ANK1: variants seen among roughly 807,000 people sequenced by gnomAD.
The protein encoded by ANK1 is ankyrin 1.
ANK1 carries 51 observed loss-of-function variants against 210.4 expected under a neutral mutation model. That is an observed-to-expected ratio of 0.24 (90% CI 0.19 to 0.31). ANK1 has a LOEUF of 0.31. Ranked by LOEUF, ANK1 falls within the 10% of genes least tolerant of loss-of-function variation. ANK1 has a pLI of 1.00. For synonymous variants in ANK1, 967 were observed against 1,025.9 expected, an observed-to-expected ratio of 0.94 and a Z score of 1.10; for missense variants, 2,051 against 2,504.4, an observed-to-expected ratio of 0.82 and a Z score of 3.86.
At chr8:41,729,522 G>T (rs1392286480) in intron 3 of ANK1, among the ~76,000 whole-genome samples, 1 of 152,126 alleles carries the variant, frequency 6.6e-6, no homozygotes, top group Non-Finnish European at 1.5e-5. Context: ...TCCCAAGTAG[G>T]TGGGGACTAA....
chr8:41,698,371 CT>C (rs544497652), intron 23 of ANK1, among the ~76,000 whole-genome samples: 116 of 152,316 alleles, frequency 7.6e-4, no homozygotes, highest in Middle Eastern at 3.4e-3. Context: ...ATATATCTTT[CT>C]GTGTTGCTAC....
At chr8:41,716,854 C>T (rs372295664) in intron 13 of ANK1, 99 bp downstream of exon 13, 10 of 1,226,420 alleles carry the variant, frequency 8.2e-6, no homozygotes, top group Admixed American at 1.7e-5. Context: ...ATCCCCAGGC[C>T]ACAGCACTGC....
intron 37 of ANK1, among the ~76,000 whole-genome samples, 175 bp from the exon 38 acceptor site, chr8:41,673,087 T>C (rs1166173637): frequency 6.6e-6 from 1 of 152,088 alleles, no homozygotes; most frequent in East Asian, 1.9e-4. Flanking sequence ...TCAGGCCTTG[T>C]GGCTGCTGCC....
intron 37 of ANK1, among the ~76,000 whole-genome samples, chr8:41,675,734 C>T (rs1585967995): frequency 6.6e-6 from 1 of 152,188 alleles, no homozygotes; most frequent in Non-Finnish European, 1.5e-5. Context: ...CCTCAAGCTT[C>T]TTTGTAATCT....
chr8:41,711,430 T>C (rs570003788), intron 16 of ANK1, among the ~76,000 whole-genome samples: 1 of 152,314 alleles, frequency 6.6e-6, no homozygotes, highest in South Asian at 2.1e-4. Flanking sequence ...CCGGCATTCA[T>C]GTTAAAAGAG....
intron 1 of ANK1, among the ~76,000 whole-genome samples, chr8:41,891,937 C>T (rs1819526794): frequency 6.6e-6 from 1 of 152,194 alleles, no homozygotes; most frequent in East Asian, 1.9e-4. Context: ...ATATAAATAT[C>T]CATTAATGCC....
chr8:41,675,813 T>C (rs1040363715), intron 37 of ANK1, among the ~76,000 whole-genome samples: 1 of 152,214 alleles, frequency 6.6e-6, no homozygotes, highest in African/African-American at 2.4e-5. Flanking sequence ...TTTTTGCCAC[T>C]ACACATCAGT....
chr8:41,829,416 A>C (rs775659842), intron 1 of ANK1: 9 of 152,230 alleles, frequency 5.9e-5, no homozygotes, highest in African/African-American at 1.2e-4. Flanking sequence ...TTTCAGATGC[A>C]GAAAGAGGCT....
chr8:41,714,471 G>T (rs1223055626), intron 15 of ANK1, among the ~76,000 whole-genome samples: 1 of 152,156 alleles, frequency 6.6e-6, no homozygotes. Flanking sequence ...CAATACACTT[G>T]CCCGGAGAAG....
chr8:41,858,550 G>C (rs905474528), intron 1 of ANK1, among the ~76,000 whole-genome samples: 1 of 152,168 alleles, frequency 6.6e-6, no homozygotes, highest in Non-Finnish European at 1.5e-5. Flanking sequence ...GGTGCAAACA[G>C]TCAGTGCCAA....
Position 41,865,491 on chromosome 8 carries a change from C to G in ANK1, c.126+30864G>C, listed in dbSNP as rs115020904. Among the ~76,000 whole-genome samples, 457 of 152,252 alleles carry G rather than the reference C, an allele frequency of 3.0e-3. 4 individuals are homozygous for G. The highest frequency in any genetic ancestry group is 0.011 in the African/African-American group (449 of 41,536). Reference sequence around the variant, plus strand: ...ACACCCACTCTGTGCTCCGAGGCCTCCCAGATCTGCATCTCCAGCCCAGCC... The same window carrying G: ...ACACCCACTCTGTGCTCCGAGGCCTGCCAGATCTGCATCTCCAGCCCAGCC... On this transcript the variant is annotated intron_variant, in intron 1 of 42. Coordinates refer to the ANK1 transcript ENST00000265709.
At chr8:41,891,369 C>T (rs1296168711) in intron 1 of ANK1, among the ~76,000 whole-genome samples, 1 of 151,854 alleles carries the variant, frequency 6.6e-6, no homozygotes, top group African/African-American at 2.4e-5. Flanking sequence ...GCAAAAGAAA[C>T]GGGGAGACAC....
At chr8:41,770,798 G>A (rs1011412463) in intron 1 of ANK1, among the ~76,000 whole-genome samples, 1 of 152,220 alleles carries the variant, frequency 6.6e-6, no homozygotes, top group Non-Finnish European at 1.5e-5. Context: ...GAGGCTAAAG[G>A]AGCTGAGATG....
At chr8:41,744,568 G>T (rs1260197598) in intron 2 of ANK1, among the ~76,000 whole-genome samples, 31 of 132,018 alleles carry the variant, frequency 2.3e-4, no homozygotes, top group African/African-American at 7.3e-4. Flanking sequence ...ACAGAGTCTT[G>T]CTCTATTGCC....
At chr8:41,671,181 C>T (rs908451860) in intron 38 of ANK1, among the ~76,000 whole-genome samples, 2 of 152,166 alleles carry the variant, frequency 1.3e-5, no homozygotes, top group African/African-American at 2.4e-5. Flanking sequence ...GGGGGCTTCT[C>T]AGTGCGGGAA....
chr8:41,704,497 A>ACCGGAGCTGT lies in ANK1; in HGVS notation c.2098-35_2098-26dup. On this transcript the variant is annotated intron_variant, in intron 18 of 42. Transcript: ENST00000289734. This position sits in a 1 kb window ranked among gnomAD's most constrained non-coding sequence, Gnocchi z 4.1. Reference sequence around the variant, plus strand: ...TCTGAAAAGCAGATGAGAAGGAGTGACCGGAGCTGTCCTGAGCTGGGCATC... The same window carrying ACCGGAGCTGT: ...TCTGAAAAGCAGATGAGAAGGAGTGACCGGAGCTGTCCGGAGCTGTCCTGAGCTGGGCATC... The ACCGGAGCTGT allele has an allele frequency of 6.3e-7, 1 of 1,593,062 alleles. No individual in the cohort carries two copies. The highest frequency in any genetic ancestry group is 1.1e-5 in the South Asian group (1 of 90,654).
chr8:41,806,234 G>C (rs945319104), intron 1 of ANK1, among the ~76,000 whole-genome samples: 5 of 152,246 alleles, frequency 3.3e-5, no homozygotes, highest in Middle Eastern at 3.4e-3. Context: ...GAGTATGATA[G>C]ACTGGACAAG....
At chr8:41,882,364 C>T (rs539755800) in intron 1 of ANK1, among the ~76,000 whole-genome samples, 1 of 152,262 alleles carries the variant, frequency 6.6e-6, no homozygotes, top group South Asian at 2.1e-4. Flanking sequence ...TCCAGCTCAA[C>T]AGCAGCCCAA....
chr8:41,726,353 A>C (rs1319020937), intron 5 of ANK1, among the ~76,000 whole-genome samples: 1 of 152,058 alleles, frequency 6.6e-6, no homozygotes, highest in Non-Finnish European at 1.5e-5. Flanking sequence ...CAGAGTCCAC[A>C]CCAGGCCCTG....
Sources: gnomAD v4.1 joint callset for allele counts (sites outside exome capture counted in the v4.1 genomes callset) on GRCh38, gnomAD v4.1.1 for gene constraint, Gnocchi (gnomAD v3.1) non-coding constraint, MANE v1.5 for transcripts, NCBI Gene and HGNC (gene_info 2026-07-23, HGNC 2026-07-21) for gene names.